Variants in NKAIN3 observed in about 807,000 individuals in gnomAD.
NKAIN3 encodes the protein sodium/potassium-transporting ATPase subunit beta-1-interacting protein 3.
NKAIN3 carries 25 observed loss-of-function variants against 30.2 expected under a neutral mutation model. The observed-to-expected ratio is 0.83, with a 90% CI of 0.60 to 1.16. The LOEUF (loss-of-function observed/expected upper bound fraction) is 1.16. Among genes scored for constraint, NKAIN3 ranks in the 50% most tolerant of loss-of-function variants. The pLI is 0.00. For synonymous variants in NKAIN3, 91 were observed against 89.6 expected (o/e 1.02, Z -0.09); for missense variants, 225 against 254.1 (o/e 0.89, Z 0.78).
intron 4 of NKAIN3, among the ~76,000 whole-genome samples, chr8:62,858,227 T>C (rs1225868053): frequency 1.3e-5 from 2 of 150,682 alleles, no homozygotes; most frequent in African/African-American, 4.9e-5. Context: ...TGCCCCTTCC[T>C]CTGGAAGCTC....
chr8:62,855,246 A>G (rs1820026618), intron 4 of NKAIN3: 2 of 436,336 alleles, frequency 4.6e-6, no homozygotes, highest in East Asian at 1.0e-4. Flanking sequence ...ACTGGCTGGG[A>G]ACAAGGCCTG....
intron 1 of NKAIN3, among the ~76,000 whole-genome samples, chr8:62,419,308 C>T (rs1318663817): frequency 2.0e-5 from 3 of 152,174 alleles, no homozygotes; most frequent in Non-Finnish European, 4.4e-5. Context: ...CTTCCTTTGC[C>T]GTAAATTATG....
At chr8:62,573,268 G>A (rs996319106) in intron 1 of NKAIN3, among the ~76,000 whole-genome samples, 5 of 152,084 alleles carry the variant, frequency 3.3e-5, no homozygotes, top group Non-Finnish European at 7.4e-5. Flanking sequence ...ATTCTTAAAG[G>A]TGTAATCTAA....
At chr8:62,511,109 C>T (rs1373673493) in intron 1 of NKAIN3, among the ~76,000 whole-genome samples, 1 of 152,194 alleles carries the variant, frequency 6.6e-6, no homozygotes, top group Non-Finnish European at 1.5e-5. Context: ...TCCCCACACC[C>T]TCCCCATGTA....
intron 1 of NKAIN3, among the ~76,000 whole-genome samples, chr8:62,407,678 G>A (rs954227887): frequency 8.5e-5 from 13 of 152,118 alleles, no homozygotes; most frequent in Admixed American, 7.2e-4. Flanking sequence ...TGATCCACCC[G>A]CCTCAGCCTC....
At chr8:62,746,591 T>C (rs1816078429) in intron 3 of NKAIN3, among the ~76,000 whole-genome samples, 1 of 152,246 alleles carries the variant, frequency 6.6e-6, no homozygotes, top group Admixed American at 6.5e-5. Context: ...GTGATATTCA[T>C]GATGTTGCAG....
intron 3 of NKAIN3, among the ~76,000 whole-genome samples, chr8:62,631,451 G>T (rs917401626): frequency 6.6e-6 from 1 of 152,102 alleles, no homozygotes; most frequent in Non-Finnish European, 1.5e-5. Flanking sequence ...ATGTCCTGAT[G>T]TCAGAATAAT....
intron 1 of NKAIN3, among the ~76,000 whole-genome samples, chr8:62,319,578 T>C (rs1272453418): frequency 2.0e-5 from 3 of 152,240 alleles, no homozygotes; most frequent in Non-Finnish European, 4.4e-5. Context: ...TCTGCCTTCA[T>C]TTCGTTTTGT....
intron 4 of NKAIN3, among the ~76,000 whole-genome samples, chr8:62,888,313 T>G (rs759338465): frequency 3.2e-4 from 48 of 152,232 alleles, no homozygotes; most frequent in Non-Finnish European, 7.3e-5. Context: ...CCCCTAGCCC[T>G]GCTGAGGGCA....
At chr8:62,427,318 T>C (rs1462042890) in intron 1 of NKAIN3, among the ~76,000 whole-genome samples, 1 of 152,012 alleles carries the variant, frequency 6.6e-6, no homozygotes, top group Non-Finnish European at 1.5e-5. Context: ...GCCTTGCTAT[T>C]CACCAGTGAA....
intron 1 of NKAIN3, among the ~76,000 whole-genome samples, chr8:62,559,660 A>G (rs1809508579): frequency 6.6e-6 from 1 of 151,952 alleles, no homozygotes; most frequent in African/African-American, 2.4e-5. Flanking sequence ...CATTTCAGGG[A>G]TAGTATAAAT....
Position 62,501,137 on chromosome 8 carries a change from T to TA in NKAIN3, c.55-78401dup, listed in dbSNP as rs530420003. Among the ~76,000 whole-genome samples, 518 of 152,348 alleles carry TA rather than the reference T, an allele frequency of 3.4e-3. 2 individuals are homozygous for TA. The highest frequency in any genetic ancestry group is 0.012 in the African/African-American group (499 of 41,580). ...GAATTTTGGAAAAGCAAAGATCATTTATAATGTAACCATATTATGTCTAAA... is the reference window on the plus strand; with the variant it reads ...GAATTTTGGAAAAGCAAAGATCATTTAATAATGTAACCATATTATGTCTAAA... On this transcript the variant is annotated intron_variant, in intron 1 of 6. Coordinates refer to ENST00000623646, the MANE Select transcript of NKAIN3 (RefSeq NM_001304533.3).
chr8:62,620,366 A>T (rs879695080), intron 3 of NKAIN3, among the ~76,000 whole-genome samples: 1 of 152,164 alleles, frequency 6.6e-6, no homozygotes, highest in Non-Finnish European at 1.5e-5. Flanking sequence ...AAAGTTCTCC[A>T]TGCACATTCT....
intron 1 of NKAIN3, among the ~76,000 whole-genome samples, chr8:62,433,766 T>C (rs914198532): frequency 6.6e-6 from 1 of 152,156 alleles, no homozygotes; most frequent in East Asian, 1.9e-4. Context: ...TTTAAATTAA[T>C]TGGATTAAGA....
chr8:62,668,002 T>G (rs1441774485), intron 3 of NKAIN3, among the ~76,000 whole-genome samples: 2 of 152,084 alleles, frequency 1.3e-5, no homozygotes, highest in African/African-American at 4.8e-5. Flanking sequence ...GTCTTCCCAT[T>G]CACATAATCC....
chr8:62,705,623 A>G (rs775139692), intron 3 of NKAIN3, among the ~76,000 whole-genome samples: 7 of 151,928 alleles, frequency 4.6e-5, no homozygotes, highest in Non-Finnish European at 8.8e-5. Flanking sequence ...CTGTTCTTCT[A>G]TTTCTTGACT....
intron 4 of NKAIN3, among the ~76,000 whole-genome samples, chr8:62,755,283 G>A (rs1189241037): frequency 1.3e-5 from 2 of 152,188 alleles, no homozygotes; most frequent in African/African-American, 4.8e-5. Flanking sequence ...ACACCTTGCA[G>A]GGTTCGGGGG....
chr8:62,723,186 T>G (rs2130523005), intron 3 of NKAIN3, among the ~76,000 whole-genome samples: 1 of 152,302 alleles, frequency 6.6e-6, no homozygotes, highest in East Asian at 1.9e-4. Context: ...AATTATATGT[T>G]TTTTAAAAAA....
chr8:62,739,014 A>T (rs1477956378), intron 3 of NKAIN3, among the ~76,000 whole-genome samples: 1 of 152,184 alleles, frequency 6.6e-6, no homozygotes, highest in Non-Finnish European at 1.5e-5. Context: ...CTGACACAGG[A>T]ACAGAAAACC....
Sources: gnomAD v4.1 joint callset for allele counts (sites outside exome capture counted in the v4.1 genomes callset) on GRCh38, gnomAD v4.1.1 for gene constraint, MANE v1.5 for transcripts, NCBI Gene and HGNC (gene_info 2026-07-23, HGNC 2026-07-21) for gene names.